Variants in KIF2C observed in about 807,000 individuals in gnomAD.
The protein encoded by KIF2C is kinesin-like protein KIF2C.
KIF2C carries 34 observed loss-of-function variants against 97.4 expected under a neutral mutation model. The observed-to-expected ratio is 0.35, with a 90% CI of 0.27 to 0.46. The LOEUF (loss-of-function observed/expected upper bound fraction) is 0.46. Ranked by LOEUF, KIF2C falls within the 20% of genes least tolerant of loss-of-function variation. The pLI, the probability that KIF2C is intolerant of heterozygous loss-of-function variation, is 1.00. For missense variants in KIF2C, 750 were observed against 907.6 expected, an observed-to-expected ratio of 0.83 and a Z score of 2.23; for synonymous variants, 313 against 318.2, an observed-to-expected ratio of 0.98 and a Z score of 0.17.
chr1:44,749,850 G>A (rs962143907), intron 4 of KIF2C, among the ~76,000 whole-genome samples: 1 of 151,772 alleles, frequency 6.6e-6, no homozygotes. Flanking sequence ...AGGCCGAGGC[G>A]GGTGGATCAC....
rs766779481 is a variant in KIF2C at position 44,762,375 on chromosome 1, C to T, written c.1781C>T (p.Pro594Leu). 6.2e-7 allele frequency: 1 copy of T among 1,613,950 alleles called. No individual in the cohort carries two copies. Among genetic ancestry groups the T allele is most frequent in the South Asian group, 1.1e-5 (1 of 91,058 alleles). The change falls in exon 18 of 21, where the codon CCC becomes CTC. Residue 594 changes from proline to leucine, a missense_variant. Coordinates refer to ENST00000372224, the MANE Select transcript of KIF2C (RefSeq NM_006845.4). ...AAGGAGCTGAGCCCCCACAGTGGGC[C>T]CAGTGGAGAGCAGTTGATTCAAATG... is the stretch of plus-strand genomic sequence containing the variant. ...RVKELSPHSG[P>L]SGEQLIQMET... is the part of the protein sequence containing the mutation.
intron 1 of KIF2C, among the ~76,000 whole-genome samples, chr1:44,740,586 TTGTGGGGAATCC>T (rs771786928): frequency 6.6e-6 from 1 of 151,856 alleles, no homozygotes; most frequent in Non-Finnish European, 1.5e-5. Context: ...CATCTAAGGG[TTGTGGGGAATCC>T]TGTGCTCAAA....
rs141533321 is a variant in KIF2C at position 44,739,962 on chromosome 1, C to A, written c.30C>A (p.Arg10=). 28 of 1,614,188 alleles carry A rather than the reference C, an allele frequency of 1.7e-5. No homozygotes were observed. Among genetic ancestry groups the A allele is most frequent in the Non-Finnish European group, 2.3e-5 (27 of 1,180,040 alleles). MAMDSSLQA[R]LFPGLAIKIQ... ...CCATGGACTCGTCGCTTCAGGCCCG[C>A]CTGTTTCCCGGTCTCGCTATCAAGA... The change falls in exon 1 of 21, where the codon CGC becomes CGA. Residue 10 remains arginine (R), a synonymous_variant. Transcript: ENST00000372224.
chr1:44,758,888 A>G (rs1003211742), intron 13 of KIF2C: 1 of 236,316 alleles, frequency 4.2e-6, no homozygotes, highest in Non-Finnish European at 8.6e-6. Flanking sequence ...AAATAATAAT[A>G]ATAATAAGAT....
In KIF2C at chr1:44,757,910, T is replaced by C. The variant is rs776765318; in HGVS notation, c.1071T>C (p.Thr357=). 4.3e-6 allele frequency: 7 copies of C among 1,614,122 alleles called. No homozygotes were observed. The South Asian group carries it at 5.5e-5, about 13-fold the overall frequency. The change falls in exon 12 of 21, where the codon ACT becomes ACC. Residue 357 remains threonine, a splice_region_variant and synonymous_variant. Coordinates refer to ENST00000372224, the MANE Select transcript of KIF2C (RefSeq NM_006845.4). ...TCTTCTACCCCTTCCCTTTGCAGAC[T>C]ATGGGCGGAGACCTCTCTGGGAAAG... The part of the protein sequence containing the change: ...YGQTGSGKTH[T]MGGDLSGKAQ...
intron 19 of KIF2C, among the ~76,000 whole-genome samples, chr1:44,765,473 GAAAGAA>G (rs891707536): frequency 7.0e-4 from 107 of 152,154 alleles, no homozygotes; most frequent in African/African-American, 2.5e-3. Context: ...AAAAAAGAAA[GAAAGAA>G]AGAAAAAAAC....
At chr1:44,763,895 T>C (rs1650301913) in intron 19 of KIF2C, among the ~76,000 whole-genome samples, 2 of 151,984 alleles carry the variant, frequency 1.3e-5, no homozygotes, top group Non-Finnish European at 2.9e-5. Context: ...TAGCCGAGTA[T>C]GGTGGCGGGC....
At chr1:44,753,529 G>A (rs947191615) in intron 6 of KIF2C, among the ~76,000 whole-genome samples, 1 of 152,144 alleles carries the variant, frequency 6.6e-6, no homozygotes, top group Non-Finnish European at 1.5e-5. Flanking sequence ...TATTGGCCAG[G>A]CCACTACTTT....
intron 5 of KIF2C, among the ~76,000 whole-genome samples, chr1:44,751,805 G>A (rs923946293): frequency 2.2e-4 from 32 of 145,614 alleles, no homozygotes; most frequent in Non-Finnish European, 4.3e-4. Context: ...TACTGCACCC[G>A]GCCCTCTTTT....
intron 2 of KIF2C, 91 bp downstream of exon 2, chr1:44,741,098 G>C: frequency 3.1e-6 from 3 of 975,062 alleles, no homozygotes; most frequent in Non-Finnish European, 3.1e-6. Flanking sequence ...CCTAGTTTCT[G>C]ATGCTGTGCT....
chr1:44,754,761 T>C lies in KIF2C; in HGVS notation c.675T>C (p.Ser225=), dbSNP rs749634867. 7 of 1,609,536 alleles carry C rather than the reference T, an allele frequency of 4.3e-6. No homozygotes were observed. The highest frequency in any genetic ancestry group is 6.0e-6 in the Non-Finnish European group (7 of 1,175,806). Residue 225 remains serine (S), a synonymous_variant, in exon 8 of 21, where the codon AGT becomes AGC. Coordinates refer to ENST00000372224, the MANE Select transcript of KIF2C (RefSeq NM_006845.4). ...MRMKRAQEYD[S]SFPNWEFARM... ...TCGTCTCAAACCAGGAGTATGACAGTAGTTTTCCAAACTGGGAATTTGCCC... is the reference window on the plus strand; with the variant it reads ...TCGTCTCAAACCAGGAGTATGACAGCAGTTTTCCAAACTGGGAATTTGCCC...
chr1:44,740,882 T>C (rs1197260619), intron 1 of KIF2C, 31 bp from the exon 2 acceptor site: 2 of 1,500,120 alleles, frequency 1.3e-6, no homozygotes, highest in Non-Finnish European at 1.8e-6. Flanking sequence ...AGGAAAGAGA[T>C]GGGTAACTCT....
At chr1:44,740,779 G>GTTTTTTTT in intron 1 of KIF2C, 134 bp from the exon 2 acceptor site, 6 of 250,426 alleles carry the variant, frequency 2.4e-5, no homozygotes, top group Admixed American at 1.0e-4. Context: ...GTTTCTCTTA[G>GTTTTTTTT]TTTTTTTTTT....
At position 44,761,937 on chromosome 1, in the gene KIF2C, A is replaced by T; in HGVS notation, c.1705A>T (p.Ile569Leu). The T allele has an allele frequency of 6.2e-7, 1 of 1,614,172 alleles. No individual in the cohort carries two copies. Among genetic ancestry groups the T allele is most frequent in the Non-Finnish European group, 8.5e-7 (1 of 1,180,006 alleles). The change falls in exon 17 of 21, where the codon ATA (isoleucine) becomes TTA (leucine). Residue 569 changes from isoleucine (I) to leucine (L), a missense_variant. By Grantham distance (5) the Ile-to-Leu change is conservative. Transcript: ENST00000372224. ...TCMIATISPG[I>L]SSCEYTLNTL... Reference sequence around the variant, plus strand: ...GCAGATTGCCACGATCTCACCAGGCATAAGCTCCTGTGAATATACTTTAAA... The same window carrying T: ...GCAGATTGCCACGATCTCACCAGGCTTAAGCTCCTGTGAATATACTTTAAA...
Position 44,767,195 on chromosome 1 carries a change from ATC to A in KIF2C, c.*18_*19del, listed in dbSNP as rs761740158. Reference sequence around the variant, plus strand: ...GCCCCAGTGACGACTGCAAATAAAAATCTGTTTGGTTTGACACCCAGCCTCTT... The same window carrying A: ...GCCCCAGTGACGACTGCAAATAAAAATGTTTGGTTTGACACCCAGCCTCTT... On this transcript the variant is annotated 3_prime_UTR_variant, in exon 21 of 21. Transcript: ENST00000372224. The A allele has an allele frequency of 3.1e-6, 5 of 1,612,656 alleles. No individual in the cohort carries two copies. In the South Asian group the frequency reaches 3.3e-5, roughly 11 times the overall value.
At chr1:44,753,094 A>C (rs1367457002) in intron 5 of KIF2C, 38 bp from the exon 6 acceptor site, 1 of 1,591,758 alleles carries the variant, frequency 6.3e-7, no homozygotes, top group East Asian at 2.3e-5. Flanking sequence ...CCTGTGGTAT[A>C]CTTGCCTGCT....
intron 7 of KIF2C, 39 bp from the exon 8 acceptor site, chr1:44,754,711 C>G (rs537888504): frequency 1.6e-6 from 2 of 1,224,250 alleles, no homozygotes; most frequent in East Asian, 4.6e-5. Flanking sequence ...GCACTTATAT[C>G]TTAACAGTCT....
Position 44,757,544 on chromosome 1 carries a change from C to T in KIF2C, c.978-12C>T, listed in dbSNP as rs541598473. 2.5e-6 allele frequency: 4 copies of T among 1,570,164 alleles called. No homozygotes were observed. The highest frequency in any genetic ancestry group is 1.4e-5 in the African/African-American group (1 of 74,070). ...TTTGGGAACAGATACAAATACTCTA[C>T]CCCTCTTCTAGGTTCACAGCAAGGC... is the stretch of plus-strand genomic sequence containing the variant. On this transcript the variant is annotated splice_polypyrimidine_tract_variant and intron_variant, in intron 10 of 20. Transcript: ENST00000372224.
chr1:44,757,539 C>T lies in KIF2C; in HGVS notation c.978-17C>T, dbSNP rs747633266. On this transcript the variant is annotated splice_polypyrimidine_tract_variant and intron_variant, in intron 10 of 20. Coordinates refer to ENST00000372224, the MANE Select transcript of KIF2C (RefSeq NM_006845.4). The stretch of plus-strand genomic sequence containing the variant: ...CACAGTTTGGGAACAGATACAAATA[C>T]TCTACCCCTCTTCTAGGTTCACAGC... 5 of 1,543,764 alleles carry T rather than the reference C, an allele frequency of 3.2e-6. No individual in the cohort carries two copies. The highest frequency in any genetic ancestry group is 1.4e-5 in the African/African-American group (1 of 73,414).
Sources: gnomAD v4.1 joint callset for allele counts (sites outside exome capture counted in the v4.1 genomes callset) on GRCh38, gnomAD v4.1.1 for gene constraint, MANE v1.5 for transcripts, NCBI Gene and HGNC (gene_info 2026-07-23, HGNC 2026-07-21) for gene names.